Variants in KCNQ5 observed in about 807,000 individuals in gnomAD.
KCNQ5 encodes potassium voltage-gated channel subfamily KQT member 5.
KCNQ5 carries 30 observed loss-of-function variants against 98.2 expected under a neutral mutation model. The ratio of observed to expected loss-of-function variants is 0.31; its 90% CI spans 0.23 to 0.41. KCNQ5 has a LOEUF of 0.41. Ranked by LOEUF, KCNQ5 falls within the 10% of genes least tolerant of loss-of-function variation. KCNQ5 has a pLI of 1.00. For synonymous variants in KCNQ5, 458 were observed against 449.4 expected (o/e 1.02, Z -0.24); for missense variants, 835 against 1,182.5 (o/e 0.71, Z 4.31).
Position 73,186,057 on chromosome 6 carries a change from T to C in KCNQ5, c.1578-4516T>C, listed in dbSNP as rs186957478. Among the ~76,000 whole-genome samples, 223 of 143,582 alleles carry C rather than the reference T, an allele frequency of 1.6e-3. 2 individuals carry two copies. The highest frequency in any genetic ancestry group is 5.7e-3 in the African/African-American group (204 of 35,784). 94.2% of individuals were successfully genotyped at this position (143,582 alleles called of 152,430 possible). A position where few individuals can be genotyped will look rare whatever the true frequency, so the allele number is the denominator to read the frequency against. ...CTGGGCAACATAGGGAGACCCCCCC[T>C]ATCTCTGCAAAAAATATAAAAATTA... On this transcript the variant is annotated intron_variant, in intron 11 of 13. Transcript: ENST00000370398.
chr6:72,796,500 C>T (rs1774343834), intron 1 of KCNQ5, among the ~76,000 whole-genome samples: 1 of 152,132 alleles, frequency 6.6e-6, no homozygotes, highest in Non-Finnish European at 1.5e-5. Flanking sequence ...GGGCTATGAC[C>T]TCTGTGAATG....
Position 73,198,588 on chromosome 6 carries a change from T to C in KCNQ5, c.*3174T>C, listed in dbSNP as rs1280898122. The C allele has an allele frequency of 6.6e-6, 1 of 152,236 alleles. No homozygotes were observed. Among genetic ancestry groups the C allele is most frequent in the Non-Finnish European group, 1.5e-5 (1 of 68,042 alleles). The allele number at this position is 152,236 out of a possible 1,614,324, so 9.4% of individuals were successfully genotyped here. A position where few individuals can be genotyped will look rare whatever the true frequency, so the allele number is the denominator to read the frequency against. On this transcript the variant is annotated 3_prime_UTR_variant, in exon 14 of 14. Coordinates refer to ENST00000370398, the MANE Select transcript of KCNQ5 (RefSeq NM_019842.4). The stretch of plus-strand genomic sequence containing the variant: ...TCAGATAGAGGAAATATCATAAATA[T>C]TAACTTGTCTCCCTAGAAGCTGAGA...
At chr6:72,624,167 G>A (rs548992041) in intron 1 of KCNQ5, among the ~76,000 whole-genome samples, 1 of 152,320 alleles carries the variant, frequency 6.6e-6, no homozygotes, top group African/African-American at 2.4e-5. Flanking sequence ...TTATTTAAAT[G>A]TGGTTAGGAT....
At chr6:73,013,419 A>T (rs904051386) in intron 2 of KCNQ5, among the ~76,000 whole-genome samples, 2 of 152,074 alleles carry the variant, frequency 1.3e-5, no homozygotes, top group Non-Finnish European at 2.9e-5. Flanking sequence ...AAATTTGTGA[A>T]CTCAAGAACG....
At chr6:72,947,090 G>T (rs145116557) in intron 1 of KCNQ5, among the ~76,000 whole-genome samples, 5 of 152,070 alleles carry the variant, frequency 3.3e-5, no homozygotes, top group Non-Finnish European at 5.9e-5. Context: ...AGTATTAACC[G>T]CAGCTGTATC....
At chr6:72,803,671 A>G (rs186133184) in intron 1 of KCNQ5, among the ~76,000 whole-genome samples, 1 of 152,294 alleles carries the variant, frequency 6.6e-6, no homozygotes, top group Admixed American at 6.5e-5. Context: ...ATGTTCACAA[A>G]TCATCACCCT....
At chr6:72,760,960 T>C (rs1772240205) in intron 1 of KCNQ5, among the ~76,000 whole-genome samples, 1 of 152,162 alleles carries the variant, frequency 6.6e-6, no homozygotes, top group Admixed American at 6.6e-5. Flanking sequence ...ACAGCCAGAT[T>C]TCATGATATT....
chr6:72,676,494 C>T (rs1310465740), intron 1 of KCNQ5, among the ~76,000 whole-genome samples: 1 of 152,032 alleles, frequency 6.6e-6, no homozygotes, highest in Admixed American at 6.6e-5. Flanking sequence ...TGTCTCTGTT[C>T]CCAGTTTTTG....
intron 1 of KCNQ5, among the ~76,000 whole-genome samples, chr6:72,649,073 C>CCTGGAGATGG (rs1188634277): frequency 1.3e-5 from 2 of 152,210 alleles, no homozygotes; most frequent in Non-Finnish European, 2.9e-5. Context: ...ATGCACGAAG[C>CCTGGAGATGG]CTGGAGATGG....
chr6:72,711,815 G>A (rs1161108900), intron 1 of KCNQ5, among the ~76,000 whole-genome samples: 2 of 152,204 alleles, frequency 1.3e-5, no homozygotes, highest in African/African-American at 4.8e-5. Flanking sequence ...TCAGATGGAA[G>A]GAAGTTGGTG....
Position 73,161,948 on chromosome 6 carries a change from C to T in KCNQ5, c.1469-7798C>T, listed in dbSNP as rs7769229. ...TTATTTATTTAGAGATGGAGTTTCA[C>T]TCTTGTCACCCAGACTAGAGTGCAA... On this transcript the variant is annotated intron_variant, in intron 10 of 13. Transcript: ENST00000370398. Among the ~76,000 whole-genome samples the T allele has an allele frequency of 5.1e-3, 774 of 152,116 alleles. 1 individual carries two copies. Among genetic ancestry groups the T allele is most frequent in the Non-Finnish European group, 7.9e-3 (538 of 68,014 alleles).
chr6:73,033,729 C>CA (rs1268976584), intron 2 of KCNQ5, among the ~76,000 whole-genome samples: 1 of 151,958 alleles, frequency 6.6e-6, no homozygotes, highest in Non-Finnish European at 1.5e-5. Context: ...CCCTTCCCCC[C>CA]ATACCCACCC....
At chr6:72,933,858 T>C (rs1765787929) in intron 1 of KCNQ5, among the ~76,000 whole-genome samples, 4 of 152,214 alleles carry the variant, frequency 2.6e-5, no homozygotes, top group Admixed American at 2.6e-4. Flanking sequence ...CCGATAATTA[T>C]TCTAGTTTTA....
At chr6:73,046,606 T>TTATTC (rs1177947578) in intron 3 of KCNQ5, among the ~76,000 whole-genome samples, 49 of 140,040 alleles carry the variant, frequency 3.5e-4, no homozygotes, top group African/African-American at 1.2e-3. Flanking sequence ...TTACTTTATT[T>TTATTC]TATTCTATTT....
At chr6:73,085,146 A>G (rs1773930642) in intron 5 of KCNQ5, among the ~76,000 whole-genome samples, 1 of 152,202 alleles carries the variant, frequency 6.6e-6, no homozygotes, top group South Asian at 2.1e-4. Flanking sequence ...CTGGTCCTTG[A>G]CTTAAAATGT....
intron 11 of KCNQ5, among the ~76,000 whole-genome samples, chr6:73,177,094 A>G (rs572637850): frequency 6.6e-6 from 1 of 152,344 alleles, no homozygotes; most frequent in African/African-American, 2.4e-5. Context: ...TTCAAGTAGG[A>G]GGCAGATGTC....
chr6:72,877,551 A>C (rs537887551), intron 1 of KCNQ5, among the ~76,000 whole-genome samples: 56 of 152,246 alleles, frequency 3.7e-4, no homozygotes, highest in Middle Eastern at 3.4e-3. Flanking sequence ...TTTATAGTAG[A>C]ATGTTTTATA....
chr6:72,764,170 GA>G (rs201548573), intron 1 of KCNQ5, among the ~76,000 whole-genome samples: 2 of 151,014 alleles, frequency 1.3e-5, no homozygotes, highest in Non-Finnish European at 3.0e-5. Context: ...ATCTAATAAT[GA>G]AAAAAAACAC....
At chr6:73,144,990 T>C (rs1163105612) in intron 10 of KCNQ5, among the ~76,000 whole-genome samples, 1 of 152,236 alleles carries the variant, frequency 6.6e-6, no homozygotes, top group African/African-American at 2.4e-5. Flanking sequence ...CACCTCTTCA[T>C]GTGAGAAGCT....
Sources: allele counts gnomAD v4.1 joint callset (sites outside exome capture counted in the v4.1 genomes callset), GRCh38; gene constraint gnomAD v4.1.1; transcripts MANE v1.5; gene names NCBI Gene and HGNC (gene_info 2026-07-23, HGNC 2026-07-21).